The following CADPS variants were observed in gnomAD, a reference collection of about 807,000 sequenced individuals.
CADPS encodes calcium-dependent secretion activator 1.
A neutral mutation model predicts 167.3 loss-of-function variants in CADPS; 57 were observed. The ratio of observed to expected loss-of-function variants is 0.34; its 90% confidence interval spans 0.28 to 0.42. CADPS has a LOEUF of 0.42. CADPS is among the 20% of genes least tolerant of loss of function. The pLI, the probability that CADPS is intolerant of heterozygous loss-of-function variation, is 1.00. For missense variants in CADPS, 1,414 were observed against 1,738.1 expected (o/e 0.81, Z 3.32); for synonymous variants, 676 against 635.3 (o/e 1.06, Z -0.96).
At chr3:62,775,305 G>A (rs1026190824) in intron 1 of CADPS, among the ~76,000 whole-genome samples, 14 of 151,850 alleles carry the variant, frequency 9.2e-5, no homozygotes, top group Non-Finnish European at 1.6e-4. Context: ...TGCCTGCCTC[G>A]GCCTCTGAGA....
intron 3 of CADPS, among the ~76,000 whole-genome samples, chr3:62,733,748 A>G (rs946714681): frequency 1.3e-5 from 2 of 151,768 alleles, no homozygotes; most frequent in African/African-American, 2.4e-5. Flanking sequence ...TTACGTGGAT[A>G]AGTCCTTTAG....
At chr3:62,734,095 A>G (rs2078494298) in intron 3 of CADPS, among the ~76,000 whole-genome samples, 2 of 152,206 alleles carry the variant, frequency 1.3e-5, no homozygotes, top group African/African-American at 2.4e-5. Context: ...GCTGCTATAA[A>G]TATGCATATG....
intron 15 of CADPS, 90 bp from the exon 16 acceptor site, chr3:62,516,272 A>C: frequency 6.7e-7 from 1 of 1,498,880 alleles, no homozygotes; most frequent in Non-Finnish European, 9.2e-7. Context: ...GTTTAAAATC[A>C]GTTCTTTGTG....
intron 5 of CADPS, among the ~76,000 whole-genome samples, chr3:62,647,500 T>C (rs911725387): frequency 1.3e-5 from 2 of 152,146 alleles, no homozygotes; most frequent in Admixed American, 6.5e-5. Flanking sequence ...TTCAAAACCA[T>C]TGTACTACTC....
At chr3:62,687,574 GC>G (rs570017753) in intron 3 of CADPS, among the ~76,000 whole-genome samples, 56 of 151,992 alleles carry the variant, frequency 3.7e-4, no homozygotes, top group African/African-American at 1.3e-3. Context: ...GGGACTTAGG[GC>G]CAGGATGAAT....
At chr3:62,690,315 C>T (rs576782562) in intron 3 of CADPS, among the ~76,000 whole-genome samples, 1 of 152,138 alleles carries the variant, frequency 6.6e-6, no homozygotes, top group South Asian at 2.1e-4. Flanking sequence ...GTATCATAAT[C>T]TCCAAGATGA....
chr3:62,567,065 T>C (rs1335880945), intron 9 of CADPS, among the ~76,000 whole-genome samples: 2 of 152,164 alleles, frequency 1.3e-5, no homozygotes, highest in African/African-American at 4.8e-5. Flanking sequence ...ACACCTGTGT[T>C]CCCGTTGCCT....
intron 6 of CADPS, among the ~76,000 whole-genome samples, chr3:62,624,340 T>A (rs1206652641): frequency 6.6e-6 from 1 of 152,144 alleles, no homozygotes. Context: ...CCCATCCCAG[T>A]GTATTTGCAA....
At chr3:62,708,752 C>T (rs550408888) in intron 3 of CADPS, among the ~76,000 whole-genome samples, 22 of 152,172 alleles carry the variant, frequency 1.4e-4, no homozygotes, top group African/African-American at 5.1e-4. Flanking sequence ...CTATAATTGC[C>T]TCCACTGTGG....
At chr3:62,714,755 T>C (rs1396461040) in intron 3 of CADPS, among the ~76,000 whole-genome samples, 1 of 152,202 alleles carries the variant, frequency 6.6e-6, no homozygotes, top group Non-Finnish European at 1.5e-5. Flanking sequence ...ATTTTAATAT[T>C]ATTGATGATG....
At chr3:62,812,844 C>G (rs538604268) in intron 1 of CADPS, among the ~76,000 whole-genome samples, 3 of 152,100 alleles carry the variant, frequency 2.0e-5, no homozygotes, top group Non-Finnish European at 4.4e-5. Flanking sequence ...TGTGTAAGAC[C>G]CTTTTAGTTA....
intron 24 of CADPS, among the ~76,000 whole-genome samples, chr3:62,473,081 G>C (rs987819262): frequency 1.3e-5 from 2 of 152,166 alleles, no homozygotes; most frequent in Non-Finnish European, 2.9e-5. Flanking sequence ...TGAAACATGA[G>C]AACCACTGCC....
intron 2 of CADPS, among the ~76,000 whole-genome samples, chr3:62,761,950 C>A (rs2085556961): frequency 6.6e-6 from 1 of 152,120 alleles, no homozygotes; most frequent in Admixed American, 6.6e-5. Context: ...TCAGGGCCAT[C>A]AGGAAAGGAC....
At chr3:62,781,673 G>A (rs1355847419) in intron 1 of CADPS, among the ~76,000 whole-genome samples, 3 of 152,082 alleles carry the variant, frequency 2.0e-5, no homozygotes, top group Non-Finnish European at 4.4e-5. Context: ...ACACACCCAC[G>A]ATTGTGTGTG....
At chr3:62,657,745 A>G (rs867603056) in intron 4 of CADPS, among the ~76,000 whole-genome samples, 10 of 152,236 alleles carry the variant, frequency 6.6e-5, no homozygotes, top group South Asian at 6.2e-4. Flanking sequence ...GGTGCGATTG[A>G]ACTGACAGAT....
At chr3:62,618,163 C>T (rs568515803) in intron 6 of CADPS, among the ~76,000 whole-genome samples, 17 of 152,242 alleles carry the variant, frequency 1.1e-4, no homozygotes, top group Non-Finnish European at 2.1e-4. Context: ...CTGCAGAATG[C>T]AAGCCATGAG....
At chr3:62,612,872 C>A (rs2061689977) in intron 6 of CADPS, among the ~76,000 whole-genome samples, 1 of 152,220 alleles carries the variant, frequency 6.6e-6, no homozygotes, top group Admixed American at 6.5e-5. Flanking sequence ...GCACCCAAGG[C>A]ACTGTTCTGG....
intron 7 of CADPS, 138 bp from the exon 8 acceptor site, chr3:62,585,462 A>G (rs1578252391): frequency 1.3e-6 from 1 of 760,950 alleles, no homozygotes; most frequent in Non-Finnish European, 2.0e-6. Context: ...ATAGAAACAC[A>G]TTCTTTTGAT....
intron 6 of CADPS, among the ~76,000 whole-genome samples, chr3:62,634,694 A>G (rs770871713): frequency 2.0e-5 from 3 of 152,210 alleles, no homozygotes; most frequent in South Asian, 2.1e-4. Flanking sequence ...CCAAAGGTAT[A>G]TAAAATATTT....
Sources: gnomAD v4.1 joint callset for allele counts (sites outside exome capture counted in the v4.1 genomes callset) on GRCh38, gnomAD v4.1.1 for gene constraint, MANE v1.5 for transcripts, NCBI Gene and HGNC (gene_info 2026-07-23, HGNC 2026-07-21) for gene names.